PUF60: variants seen among roughly 807,000 people sequenced by gnomAD.
PUF60 encodes the protein poly(U) binding splicing factor 60.
PUF60 carries 10 observed loss-of-function variants against 61.8 expected under a neutral mutation model. The ratio of observed to expected loss-of-function variants is 0.16; its 90% CI spans 0.10 to 0.27. The LOEUF is 0.27. PUF60 is among the 10% of genes least tolerant of loss of function. The pLI, the probability that PUF60 is intolerant of heterozygous loss-of-function variation, is 1.00. For missense variants in PUF60, 371 were observed against 754.0 expected, an observed-to-expected ratio of 0.49 and a Z score of 5.95; for synonymous variants, 353 against 300.9, an observed-to-expected ratio of 1.17 and a Z score of -1.79.
chr8:143,827,246 G>A (rs1038413841), intron 1 of PUF60: 2 of 396,204 alleles, frequency 5.0e-6, no homozygotes, highest in Admixed American at 2.9e-5. Context: ...TCTCTATGAG[G>A]TGACATTGCA....
chr8:143,817,102 C>G lies in PUF60; in HGVS notation c.1188G>C (p.Ser396=), dbSNP rs775843637. 43 of 1,610,554 alleles carry G rather than the reference C, an allele frequency of 2.7e-5. No individual in the cohort carries two copies. The highest frequency in any genetic ancestry group is 3.5e-5 in the Non-Finnish European group (41 of 1,178,904). Residue 396 remains serine, a synonymous_variant, in exon 11 of 12, where the codon TCG becomes TCC. Transcript: ENST00000526683. This position sits in a 1 kb window ranked among gnomAD's most constrained non-coding sequence, Gnocchi z 7.4. ...ARPPIPVTIP[S]VGVVNPILAS... ...CCAGGATGGGGTTCACCACTCCCAC[C>G]GAGGGGATGGTGACCGGGATAGGAG...
rs1037869423 is a variant in PUF60 at position 143,818,433 on chromosome 8, G to A, written c.450C>T (p.Ala150=). ...LGEDTIRQAF[A]PFGPIKSIDM... ...CGATGCTCTTGATGGGGCCAAAGGG[G>A]GCAAAGGCCTGGCGGATGGTGTCCT... The change falls in exon 6 of 12, where the codon GCC becomes GCT. Residue 150 remains alanine (A), a synonymous_variant. Transcript: ENST00000526683. The surrounding 1 kb of genome is among the most constrained non-coding windows in gnomAD (Gnocchi z 7.9). 3.1e-6 allele frequency: 5 copies of A among 1,612,336 alleles called. No individual in the cohort carries two copies. The highest frequency in any genetic ancestry group is 2.2e-5 in the East Asian group (1 of 44,886).
At chr8:143,821,083 T>C (rs1036687555) in intron 4 of PUF60, among the ~76,000 whole-genome samples, 8 of 152,240 alleles carry the variant, frequency 5.3e-5, no homozygotes, top group Non-Finnish European at 1.2e-4. Context: ...CACCGGCCTC[T>C]TCCCACGAAG....
At chr8:143,823,592 C>G (rs1251050395) in intron 2 of PUF60, among the ~76,000 whole-genome samples, 3 of 152,260 alleles carry the variant, frequency 2.0e-5, no homozygotes, top group Admixed American at 2.0e-4. Context: ...CCAGTCCCAC[C>G]CCCTGAGTGT....
intron 2 of PUF60, 122 bp from the exon 3 acceptor site, chr8:143,822,035 G>T: frequency 1.4e-6 from 1 of 704,558 alleles, no homozygotes; most frequent in Non-Finnish European, 2.3e-6. Flanking sequence ...CAGCCCTTCT[G>T]ACATTGCTGT....
chr8:143,828,985 T>A, intron 1 of PUF60: 12 of 991,850 alleles, frequency 1.2e-5, no homozygotes, highest in Non-Finnish European at 1.4e-5. Flanking sequence ...TTGCCGGACC[T>A]AGCGGACAGG....
At chr8:143,821,176 C>T (rs983809792) in intron 4 of PUF60, among the ~76,000 whole-genome samples, 1 of 152,212 alleles carries the variant, frequency 6.6e-6, no homozygotes, top group Non-Finnish European at 1.5e-5. Context: ...TGGGGCTGAG[C>T]CCAGGTGGTC....
intron 3 of PUF60, 37 bp downstream of exon 3, chr8:143,821,781 T>C (rs1349544255): frequency 5.1e-5 from 81 of 1,588,898 alleles, no homozygotes; most frequent in Non-Finnish European, 6.4e-5. Flanking sequence ...CAGTTGACTG[T>C]CCCACACCTG....
intron 1 of PUF60, 143 bp downstream of exon 1, chr8:143,829,137 C>G (rs1287969375): frequency 6.7e-6 from 8 of 1,198,174 alleles, no homozygotes; most frequent in Non-Finnish European, 8.3e-6. Context: ...GCCCCCGCCT[C>G]ACGCGACCCG....
chr8:143,816,424 T>TGGGCA lies in PUF60; in HGVS notation c.*91_*95dup. ...CCTTTATCCGCACTGTAGGCTGGGC[T>TGGGCA]GGGCAGAGCGCGCCTGGCCCCGGGG... On this transcript the variant is annotated 3_prime_UTR_variant, in exon 12 of 12. Coordinates refer to ENST00000526683, the MANE Select transcript of PUF60 (RefSeq NM_078480.3). The TGGGCA allele has an allele frequency of 2.9e-6, 4 of 1,371,662 alleles. No homozygotes were observed. Among genetic ancestry groups the TGGGCA allele is most frequent in the Non-Finnish European group, 2.0e-6 (2 of 1,017,944 alleles). 85.0% of individuals were successfully genotyped at this position (1,371,662 alleles called of 1,614,324 possible). A position where few individuals can be genotyped will look rare whatever the true frequency, so the allele number is the denominator to read the frequency against.
chr8:143,825,610 C>A (rs542485767), intron 1 of PUF60, among the ~76,000 whole-genome samples: 1 of 152,286 alleles, frequency 6.6e-6, no homozygotes, highest in African/African-American at 2.4e-5. Context: ...GCAACCTCCG[C>A]CTCCTGGGAC....
intron 1 of PUF60, chr8:143,828,987 G>C: frequency 1.0e-6 from 1 of 992,152 alleles, no homozygotes; most frequent in Non-Finnish European, 1.2e-6. Context: ...GCCGGACCTA[G>C]CGGACAGGAA....
At chr8:143,822,509 T>C (rs1255993306) in intron 2 of PUF60, 1 of 456,558 alleles carries the variant, frequency 2.2e-6, no homozygotes, top group Middle Eastern at 3.3e-4. Context: ...CAGGCCTCTC[T>C]CGGGCCACAC....
chr8:143,822,898 TG>T (rs1463699460), intron 2 of PUF60: 1 of 303,884 alleles, frequency 3.3e-6, no homozygotes, highest in East Asian at 8.7e-5. Flanking sequence ...GACACAGCCT[TG>T]AGGGACAGCA....
In PUF60 at chr8:143,817,444, A is replaced by G. The variant is rs1816476790; in HGVS notation, c.1031T>C (p.Val344Ala). ...TCCAGGTGTGCCCAGGGTACCCAGC[A>G]CCGCTGCTCCGGCCACTGCTTCCTG... ...TAQEAVAGAA[V>A]LGTLGTPGLV... is the part of the protein sequence containing the mutation. Residue 344 changes from valine (V) to alanine (A), a missense_variant, in exon 10 of 12, where the codon GTG (valine) becomes GCG (alanine). Transcript: ENST00000526683. This position sits in a 1 kb window ranked among gnomAD's most constrained non-coding sequence, Gnocchi z 7.4. 6.2e-7 allele frequency: 1 copy of G among 1,608,300 alleles called. No homozygotes were observed. Among genetic ancestry groups the G allele is most frequent in the Non-Finnish European group, 8.5e-7 (1 of 1,178,122 alleles).
chr8:143,821,579 G>C lies in PUF60; in HGVS notation c.297+18C>G. 2 of 1,536,402 alleles carry C rather than the reference G, an allele frequency of 1.3e-6. No individual in the cohort carries two copies. The highest frequency in any genetic ancestry group is 1.7e-6 in the Non-Finnish European group (2 of 1,144,306). ...GGCTGTGGTGGGGAGGGCGGTAGAG[G>C]CTCCGGCCGGGGCTCACCTGCAGGT... On this transcript the variant is annotated intron_variant, in intron 4 of 11. Coordinates refer to ENST00000526683, the MANE Select transcript of PUF60 (RefSeq NM_078480.3).
chr8:143,823,832 G>A (rs1817300887), intron 2 of PUF60, among the ~76,000 whole-genome samples: 1 of 152,258 alleles, frequency 6.6e-6, no homozygotes, highest in Non-Finnish European at 1.5e-5. Flanking sequence ...GAAAAAAGAT[G>A]GGGAGGGCTG....
chr8:143,825,121 T>A (rs1010529776), intron 1 of PUF60: 1 of 152,284 alleles, frequency 6.6e-6, no homozygotes, highest in Non-Finnish European at 1.5e-5. Context: ...CGGGAGATGA[T>A]GGAAGGGCCT....
intron 2 of PUF60, chr8:143,822,458 C>T (rs570679009): frequency 1.5e-5 from 7 of 456,302 alleles, no homozygotes; most frequent in Non-Finnish European, 2.6e-5. Flanking sequence ...AGTGCTCCCC[C>T]CACCGTCCCC....
Sources: allele counts gnomAD v4.1 joint callset (sites outside exome capture counted in the v4.1 genomes callset), GRCh38; gene constraint gnomAD v4.1.1; non-coding constraint Gnocchi (gnomAD v3.1); transcripts MANE v1.5; gene names NCBI Gene and HGNC (gene_info 2026-07-23, HGNC 2026-07-21).